The following C12orf75 variants were observed in gnomAD, a reference collection of about 807,000 sequenced individuals.
The protein encoded by C12orf75 is overexpressed in colon carcinoma 1 protein.
Under a neutral mutation model 11.4 loss-of-function variants are expected in C12orf75, and 4 were observed. The ratio of observed to expected loss-of-function variants is 0.35; its 90% confidence interval spans 0.17 to 0.80. The LOEUF is 0.80. Among genes scored for constraint, C12orf75 ranks in the 30% least tolerant of loss-of-function variants. C12orf75 has a pLI of 0.52. For synonymous variants in C12orf75, 30 were observed against 30.0 expected, an observed-to-expected ratio of 1.00 and a Z score of 0.00; for missense variants, 89 against 80.4, an observed-to-expected ratio of 1.11 and a Z score of -0.41.
chr12:105,354,878 G>A (rs1013674301), intron 2 of C12orf75, among the ~76,000 whole-genome samples: 8 of 152,162 alleles, frequency 5.3e-5, no homozygotes, highest in African/African-American at 1.4e-4. Context: ...GGAAACACGA[G>A]GGGCTGATGG....
chr12:105,345,685 A>T (rs1391989166), intron 1 of C12orf75, among the ~76,000 whole-genome samples: 1 of 23,348 alleles, frequency 4.3e-5, no homozygotes, highest in Non-Finnish European at 6.4e-5. Context: ...TTTTTGAGAC[A>T]GAGTCTTGCT....
chr12:105,362,957 G>A (rs1187291456), intron 2 of C12orf75, among the ~76,000 whole-genome samples: 1 of 152,210 alleles, frequency 6.6e-6, no homozygotes, highest in Non-Finnish European at 1.5e-5. Flanking sequence ...TTGAGAGATG[G>A]GATGATGGTC....
intron 1 of C12orf75, among the ~76,000 whole-genome samples, chr12:105,342,522 A>G (rs1024086315): frequency 1.3e-5 from 2 of 152,354 alleles, no homozygotes; most frequent in African/African-American, 2.4e-5. Flanking sequence ...GTATTCTATA[A>G]CAGCAACACA....
chr12:105,366,793 C>G, intron 4 of C12orf75, 97 bp downstream of exon 4: 1 of 753,882 alleles, frequency 1.3e-6, no homozygotes, highest in Non-Finnish European at 2.3e-6. Context: ...TCGACTCAAC[C>G]TATGTATTGG....
chr12:105,341,378 A>G (rs559365627), intron 1 of C12orf75, among the ~76,000 whole-genome samples: 2 of 152,062 alleles, frequency 1.3e-5, no homozygotes, highest in African/African-American at 4.8e-5. Flanking sequence ...TTCTAACACT[A>G]CCTGGAGTTA....
intron 1 of C12orf75, among the ~76,000 whole-genome samples, chr12:105,346,218 T>C (rs1892638727): frequency 6.6e-6 from 1 of 152,198 alleles, no homozygotes. Flanking sequence ...GTACAGGTAT[T>C]GATTGGCCTC....
At chr12:105,340,179 A>T (rs1377375821) in intron 1 of C12orf75, among the ~76,000 whole-genome samples, 3 of 151,586 alleles carry the variant, frequency 2.0e-5, no homozygotes, top group Non-Finnish European at 2.9e-5. Context: ...TAATCCCAGC[A>T]CTTTGGGAGG....
chr12:105,367,383 G>A (rs149629833), intron 4 of C12orf75, 89 bp from the exon 5 acceptor site: 74 of 479,212 alleles, frequency 1.5e-4, no homozygotes, highest in African/African-American at 1.3e-3. Context: ...GCAAATACAT[G>A]TATGTCATTA....
chr12:105,365,967 C>G (rs1871459425), intron 3 of C12orf75, 125 bp downstream of exon 3: 3 of 728,824 alleles, frequency 4.1e-6, no homozygotes, highest in Non-Finnish European at 7.5e-6. Context: ...ACAGAGAATA[C>G]AGGTAGGGGC....
At chr12:105,352,432 A>G (rs1892724324) in intron 2 of C12orf75, among the ~76,000 whole-genome samples, 1 of 152,212 alleles carries the variant, frequency 6.6e-6, no homozygotes, top group African/African-American at 2.4e-5. Context: ...TTAGAAAAAG[A>G]ATACCAAGGA....
chr12:105,370,823 G>A lies in C12orf75; in HGVS notation c.*223G>A, dbSNP rs139188055. ...TGGTTAAACAGTACACTTGTTTATG[G>A]AACTTTCTGTGGCCACCTACGAAAG... On this transcript the variant is annotated 3_prime_UTR_variant, in exon 6 of 6. Coordinates refer to ENST00000443585, the MANE Select transcript of C12orf75 (RefSeq NM_001145199.2). The A allele has an allele frequency of 9.8e-6, 4 of 408,964 alleles. No homozygotes were observed. The highest frequency in any genetic ancestry group is 6.1e-5 in the African/African-American group (3 of 48,784). 25.3% of individuals were successfully genotyped at this position (408,964 alleles called of 1,614,324 possible).
chr12:105,357,807 TGAGAGA>T (rs1296757750), intron 2 of C12orf75, among the ~76,000 whole-genome samples: 15 of 122,886 alleles, frequency 1.2e-4, no homozygotes, highest in African/African-American at 2.8e-4. Context: ...TGTGTGTGTG[TGAGAGA>T]GAGAGAGAGA....
intron 1 of C12orf75, among the ~76,000 whole-genome samples, chr12:105,336,795 G>A (rs1414026803): frequency 6.6e-6 from 1 of 152,156 alleles, no homozygotes; most frequent in African/African-American, 2.4e-5. Context: ...TAAAAGTAAG[G>A]TAGTAAGGGG....
intron 1 of C12orf75, among the ~76,000 whole-genome samples, chr12:105,343,301 T>G (rs1592878137): frequency 2.6e-5 from 4 of 152,350 alleles, no homozygotes; most frequent in African/African-American, 7.2e-5. Flanking sequence ...GCCCATTGTA[T>G]TAACCCACCA....
At chr12:105,336,477 T>A (rs1892500622) in intron 1 of C12orf75, among the ~76,000 whole-genome samples, 1 of 152,214 alleles carries the variant, frequency 6.6e-6, no homozygotes, top group Admixed American at 6.5e-5. Context: ...ACTCGTATAT[T>A]GTAAGTACCC....
At chr12:105,331,018 G>T in intron 1 of C12orf75, 81 bp downstream of exon 1, 1 of 879,610 alleles carries the variant, frequency 1.1e-6, no homozygotes, top group Non-Finnish European at 1.5e-6. Context: ...TCTTGGGTGG[G>T]GGGCGCGCAG....
At chr12:105,337,038 C>T (rs1892507273) in intron 1 of C12orf75, among the ~76,000 whole-genome samples, 1 of 152,052 alleles carries the variant, frequency 6.6e-6, no homozygotes, top group South Asian at 2.1e-4. Flanking sequence ...ACAAAACCAG[C>T]ACGGGCCGGG....
chr12:105,347,612 G>A (rs1484423849), intron 1 of C12orf75, among the ~76,000 whole-genome samples: 8 of 152,216 alleles, frequency 5.3e-5, no homozygotes, highest in African/African-American at 1.9e-4. Flanking sequence ...TAGCTGTGCT[G>A]ATAGCTGATT....
chr12:105,340,829 C>T (rs1008242599), intron 1 of C12orf75, among the ~76,000 whole-genome samples: 7 of 151,900 alleles, frequency 4.6e-5, no homozygotes, highest in African/African-American at 7.3e-5. Context: ...GATGAGAAGA[C>T]GGACATAGAA....
Sources: allele counts gnomAD v4.1 joint callset (sites outside exome capture counted in the v4.1 genomes callset), GRCh38; gene constraint gnomAD v4.1.1; transcripts MANE v1.5; gene names NCBI Gene and HGNC (gene_info 2026-07-23, HGNC 2026-07-21).